ANTXR1: variants seen among roughly 807,000 people sequenced by gnomAD.
ANTXR1 encodes anthrax toxin receptor 1.
ANTXR1 carries 19 observed loss-of-function variants against 78.1 expected under a neutral mutation model. The ratio of observed to expected loss-of-function variants is 0.24; its 90% CI spans 0.17 to 0.36. ANTXR1 has a LOEUF of 0.36. Ranked by LOEUF, ANTXR1 falls within the 10% of genes least tolerant of loss-of-function variation. The probability of loss-of-function intolerance (pLI) is 1.00; values close to 1 mark genes in which losing one functional copy is unlikely to be tolerated. For synonymous variants in ANTXR1, 273 were observed against 260.5 expected (o/e 1.05, Z -0.46); for missense variants, 518 against 718.6 (o/e 0.72, Z 3.19).
chr2:69,181,681 G>T (rs1674277248), intron 14 of ANTXR1, 105 bp from the exon 15 acceptor site: 1 of 1,078,154 alleles, frequency 9.3e-7, no homozygotes, highest in East Asian at 2.4e-5. Context: ...ATTGCACCCA[G>T]GCAGTCTGAC....
At position 69,044,755 on chromosome 2, in the gene ANTXR1, A is replaced by C; in HGVS notation, c.238A>C (p.Met80Leu). 1.2e-6 allele frequency: 2 copies of C among 1,613,866 alleles called. No homozygotes were observed. The highest frequency in any genetic ancestry group is 1.7e-6 in the Non-Finnish European group (2 of 1,179,806). The stretch of plus-strand genomic sequence containing the variant: ...TTTCCTTTCCAGCCCACAGTTGAGA[A>C]TGTCCTTTATTGTTTTCTCCACCCG... The part of the protein sequence containing the change: ...AHKFISPQLR[M>L]SFIVFSTRGT... Residue 80 changes from methionine to leucine, a missense_variant, in exon 3 of 18, where the codon ATG (methionine) becomes CTG (leucine). Coordinates refer to ENST00000303714, the MANE Select transcript of ANTXR1 (RefSeq NM_032208.3).
chr2:69,184,228 C>G (rs1443897126), intron 16 of ANTXR1, among the ~76,000 whole-genome samples: 1 of 152,198 alleles, frequency 6.6e-6, no homozygotes, highest in Non-Finnish European at 1.5e-5. Flanking sequence ...GGTTACCTTT[C>G]CTCAGCTGAG....
At chr2:69,139,287 G>A (rs1673004289) in intron 12 of ANTXR1, among the ~76,000 whole-genome samples, 2 of 152,314 alleles carry the variant, frequency 1.3e-5, no homozygotes, top group South Asian at 2.1e-4. Flanking sequence ...AGTGGCCTCT[G>A]CAAGCCTCCT....
chr2:69,123,560 C>T (rs1672425062), intron 11 of ANTXR1, among the ~76,000 whole-genome samples: 3 of 152,300 alleles, frequency 2.0e-5, no homozygotes, highest in South Asian at 4.1e-4. Flanking sequence ...TGGTTCATGG[C>T]GAGCCAAGAC....
intron 10 of ANTXR1, among the ~76,000 whole-genome samples, chr2:69,104,677 C>A (rs892801582): frequency 6.6e-6 from 1 of 152,130 alleles, no homozygotes; most frequent in Non-Finnish European, 1.5e-5. Context: ...AGAAGACTTC[C>A]CAAACAAGCA....
At chr2:69,053,316 A>C (rs1018244768) in intron 3 of ANTXR1, among the ~76,000 whole-genome samples, 3 of 152,226 alleles carry the variant, frequency 2.0e-5, no homozygotes, top group African/African-American at 7.2e-5. Context: ...TATCTTAGGC[A>C]GAGTAGAGAC....
chr2:69,232,925 AAAGAC>A (rs1290620132), intron 17 of ANTXR1, among the ~76,000 whole-genome samples: 2 of 152,210 alleles, frequency 1.3e-5, no homozygotes, highest in African/African-American at 4.8e-5. Flanking sequence ...AATTATTAAG[AAAGAC>A]AAAAGGACTA....
intron 13 of ANTXR1, among the ~76,000 whole-genome samples, chr2:69,169,972 AG>A (rs1673935160): frequency 6.6e-6 from 1 of 152,280 alleles, no homozygotes; most frequent in African/African-American, 2.4e-5. Context: ...TATCTGGGGT[AG>A]GAAATGAAAC....
chr2:69,059,176 G>A (rs368603940), intron 3 of ANTXR1, among the ~76,000 whole-genome samples: 1 of 152,222 alleles, frequency 6.6e-6, no homozygotes, highest in Admixed American at 6.5e-5. Flanking sequence ...CAGCAACAAG[G>A]TTTGAGAGGA....
At chr2:69,020,835 C>G (rs1411345620) in intron 1 of ANTXR1, among the ~76,000 whole-genome samples, 1 of 152,230 alleles carries the variant, frequency 6.6e-6, no homozygotes, top group Non-Finnish European at 1.5e-5. Flanking sequence ...TTCTTCCATT[C>G]ATTTGGCATA....
At chr2:69,101,552 C>T (rs748214682) in intron 9 of ANTXR1, among the ~76,000 whole-genome samples, 1 of 152,184 alleles carries the variant, frequency 6.6e-6, no homozygotes, top group Non-Finnish European at 1.5e-5. Flanking sequence ...ATTGAGGGAG[C>T]AATTAGCATT....
At chr2:69,239,575 T>C (rs568115295) in intron 17 of ANTXR1, among the ~76,000 whole-genome samples, 2 of 152,330 alleles carry the variant, frequency 1.3e-5, no homozygotes, top group Admixed American at 6.5e-5. Context: ...TTGATGGAAT[T>C]ATAGAATATT....
chr2:69,158,477 C>T (rs926504187), intron 13 of ANTXR1, among the ~76,000 whole-genome samples: 4 of 152,196 alleles, frequency 2.6e-5, no homozygotes, highest in Non-Finnish European at 1.5e-5. Context: ...TGTTTTAGAG[C>T]ATTTGCTCAT....
rs554285308 is a variant in ANTXR1, at chr2:69,094,600, G to A, written c.703+3681G>A. Among the ~76,000 whole-genome samples the A allele has an allele frequency of 1.4e-4, 21 of 152,216 alleles. No individual in the cohort carries two copies. In the South Asian group the frequency reaches 4.2e-3, roughly 30 times the overall value. ...GGCCCCTAGAACAGCCCCTGCTGTGGAGCCCTACCCAGGTCTGTCCTGCTC... is the reference window on the plus strand; with the variant it reads ...GGCCCCTAGAACAGCCCCTGCTGTGAAGCCCTACCCAGGTCTGTCCTGCTC... On this transcript the variant is annotated intron_variant, in intron 9 of 17. Coordinates refer to ENST00000303714, the MANE Select transcript of ANTXR1 (RefSeq NM_032208.3).
At chr2:69,105,712 T>G (rs1004096235) in intron 10 of ANTXR1, among the ~76,000 whole-genome samples, 8 of 152,380 alleles carry the variant, frequency 5.3e-5, no homozygotes, top group African/African-American at 1.9e-4. Flanking sequence ...TTTTAAAATG[T>G]TATCTGTTTT....
Position 69,013,348 on chromosome 2 carries a change from C to T in ANTXR1, c.-152C>T, listed in dbSNP as rs1670920086. On this transcript the variant is annotated 5_prime_UTR_variant, in exon 1 of 18. Coordinates refer to ENST00000303714, the MANE Select transcript of ANTXR1 (RefSeq NM_032208.3). This position sits in a 1 kb window ranked among gnomAD's most constrained non-coding sequence, Gnocchi z 5.0. ...GAAACCAGAGGGGAAACCTTGAACTCCTCCAGACAATTGCTTCCGGGGAGT... is the reference window on the plus strand; with the variant it reads ...GAAACCAGAGGGGAAACCTTGAACTTCTCCAGACAATTGCTTCCGGGGAGT... 9.3e-7 allele frequency: 1 copy of T among 1,077,942 alleles called. No homozygotes were observed. The highest frequency in any genetic ancestry group is 2.6e-5 in the East Asian group (1 of 38,750). The allele number at this position is 1,077,942 out of a possible 1,614,324, so 66.8% of individuals were successfully genotyped here.
intron 17 of ANTXR1, among the ~76,000 whole-genome samples, chr2:69,204,035 C>T (rs941022165): frequency 6.6e-6 from 1 of 152,064 alleles, no homozygotes; most frequent in Admixed American, 6.6e-5. Flanking sequence ...GAATTTTACC[C>T]AAGTGTGTAA....
At chr2:69,043,962 C>T (rs542548270) in intron 2 of ANTXR1, among the ~76,000 whole-genome samples, 9 of 152,214 alleles carry the variant, frequency 5.9e-5, no homozygotes, top group African/African-American at 1.2e-4. Context: ...GATGCTATGA[C>T]GGAAGAACAA....
intron 3 of ANTXR1, among the ~76,000 whole-genome samples, chr2:69,067,326 A>G (rs899530455): frequency 4.0e-5 from 6 of 151,588 alleles, no homozygotes; most frequent in African/African-American, 1.5e-4. Flanking sequence ...AAAAAAGTCA[A>G]GAAAATACTT....
Sources: gnomAD v4.1 joint callset for allele counts (sites outside exome capture counted in the v4.1 genomes callset) on GRCh38, gnomAD v4.1.1 for gene constraint, Gnocchi (gnomAD v3.1) non-coding constraint, MANE v1.5 for transcripts, NCBI Gene and HGNC (gene_info 2026-07-23, HGNC 2026-07-21) for gene names.